ALCAM: variants seen among roughly 807,000 people sequenced by gnomAD.
ALCAM encodes activated leukocyte cell adhesion molecule, also known as CD166 antigen.
ALCAM carries 30 observed loss-of-function variants against 70.9 expected under a neutral mutation model. The observed-to-expected ratio is 0.42, with a 90% CI of 0.32 to 0.57. The LOEUF (loss-of-function observed/expected upper bound fraction) is 0.57. Among genes scored for constraint, ALCAM ranks in the 20% least tolerant of loss-of-function variants. ALCAM has a pLI of 0.11. For missense variants in ALCAM, 591 were observed against 695.1 expected (o/e 0.85, Z 1.68); for synonymous variants, 249 against 242.5 (o/e 1.03, Z -0.25).
At chr3:105,549,643 T>G (rs1940343673) in intron 11 of ALCAM, among the ~76,000 whole-genome samples, 1 of 151,240 alleles carries the variant, frequency 6.6e-6, no homozygotes, top group Admixed American at 6.6e-5. Flanking sequence ...ACAGAAAACT[T>G]TAGAAAAAAA....
At chr3:105,451,008 G>A (rs115664911) in intron 1 of ALCAM, among the ~76,000 whole-genome samples, 3,002 of 152,194 alleles carry the variant, frequency 0.02, 43 homozygotes, top group Non-Finnish European at 0.028. Context: ...AAGGAGGTAG[G>A]AAGGGTGAGT....
At chr3:105,505,447 C>G (rs1456297441) in intron 1 of ALCAM, among the ~76,000 whole-genome samples, 2 of 152,122 alleles carry the variant, frequency 1.3e-5, no homozygotes, top group South Asian at 2.1e-4. Flanking sequence ...GAAATCCACG[C>G]CCATAATCCA....
chr3:105,570,575 A>C (rs1407564122), intron 14 of ALCAM, among the ~76,000 whole-genome samples: 1 of 152,216 alleles, frequency 6.6e-6, no homozygotes, highest in Non-Finnish European at 1.5e-5. Flanking sequence ...GTGGACACAC[A>C]CATGTCTAAG....
chr3:105,532,347 G>T (rs1939860758), intron 4 of ALCAM, among the ~76,000 whole-genome samples: 3 of 152,184 alleles, frequency 2.0e-5, no homozygotes, highest in Non-Finnish European at 4.4e-5. Context: ...CAGTTAGCAT[G>T]ATTCATGCCT....
At chr3:105,410,653 C>T (rs1322669186) in intron 1 of ALCAM, among the ~76,000 whole-genome samples, 3 of 151,938 alleles carry the variant, frequency 2.0e-5, no homozygotes, top group African/African-American at 7.2e-5. Flanking sequence ...TTCTGTTTAC[C>T]TTTCCGAGGC....
At chr3:105,464,357 A>G in intron 1 of ALCAM, among the ~76,000 whole-genome samples, 1 of 145,612 alleles carries the variant, frequency 6.9e-6, no homozygotes, top group East Asian at 2.2e-4. Context: ...ATGGGGGGTA[A>G]AATGAAAACT....
chr3:105,389,743 A>C (rs1935762166), intron 1 of ALCAM, among the ~76,000 whole-genome samples: 4 of 137,814 alleles, frequency 2.9e-5, no homozygotes, highest in African/African-American at 8.2e-5. Flanking sequence ...CCTCCCCCCT[A>C]CCCCCTCAAC....
chr3:105,520,463 G>T (rs1007330252), intron 2 of ALCAM, among the ~76,000 whole-genome samples: 1 of 152,174 alleles, frequency 6.6e-6, no homozygotes, highest in Non-Finnish European at 1.5e-5. Context: ...TAAATCAGTG[G>T]ATTATAGGAC....
chr3:105,534,593 G>T, intron 5 of ALCAM, 70 bp from the exon 6 acceptor site: 1 of 1,430,168 alleles, frequency 7.0e-7, no homozygotes, highest in Non-Finnish European at 9.9e-7. Flanking sequence ...CAAAGGTGTG[G>T]TGCTGTTTCG....
intron 1 of ALCAM, among the ~76,000 whole-genome samples, chr3:105,388,508 T>G (rs1935716783): frequency 6.6e-6 from 1 of 151,620 alleles, no homozygotes; most frequent in Admixed American, 6.6e-5. Flanking sequence ...TGCTGTCTCT[T>G]TAAACTTAGT....
At chr3:105,375,806 T>G (rs144440164) in intron 1 of ALCAM, among the ~76,000 whole-genome samples, 1 of 152,278 alleles carries the variant, frequency 6.6e-6, no homozygotes, top group African/African-American at 2.4e-5. Flanking sequence ...CTTCTGTACA[T>G]GCAAACTAAG....
At chr3:105,507,453 C>G (rs1198268812) in intron 1 of ALCAM, among the ~76,000 whole-genome samples, 1 of 152,200 alleles carries the variant, frequency 6.6e-6, no homozygotes, top group Non-Finnish European at 1.5e-5. Flanking sequence ...ACCCTGGCAA[C>G]CACTGGTCTC....
At chr3:105,504,853 C>T (rs560884497) in intron 1 of ALCAM, among the ~76,000 whole-genome samples, 5 of 152,182 alleles carry the variant, frequency 3.3e-5, no homozygotes, top group African/African-American at 4.8e-5. Flanking sequence ...CCAGGGACCA[C>T]GTCCCCCTCT....
At chr3:105,428,697 A>G (rs1378780265) in intron 1 of ALCAM, among the ~76,000 whole-genome samples, 2 of 151,986 alleles carry the variant, frequency 1.3e-5, no homozygotes, top group Non-Finnish European at 2.9e-5. Context: ...TCCTATAGAA[A>G]CATGGTAGTT....
At chr3:105,381,595 A>T (rs963525463) in intron 1 of ALCAM, among the ~76,000 whole-genome samples, 6 of 151,998 alleles carry the variant, frequency 3.9e-5, no homozygotes, top group Non-Finnish European at 8.8e-5. Flanking sequence ...ATTTGAAGCT[A>T]AAAATGAGAT....
chr3:105,541,136 CTTT>C (rs1283908866), intron 7 of ALCAM, among the ~76,000 whole-genome samples: 1 of 151,236 alleles, frequency 6.6e-6, no homozygotes, highest in Non-Finnish European at 1.5e-5. Context: ...TTGTCATTTT[CTTT>C]TTTTCTTCTC....
intron 1 of ALCAM, chr3:105,440,966 G>A (rs73181395): frequency 0.15 from 22,726 of 152,012 alleles, 1,808 homozygotes; most frequent in Middle Eastern, 0.19. Context: ...AGCTAGAGCA[G>A]AGAAAAAGCA....
At chr3:105,407,597 A>T (rs747986755) in intron 1 of ALCAM, among the ~76,000 whole-genome samples, 1 of 152,212 alleles carries the variant, frequency 6.6e-6, no homozygotes. Context: ...ATCTATGACA[A>T]ACCCACAGCC....
intron 1 of ALCAM, among the ~76,000 whole-genome samples, chr3:105,493,982 C>T (rs1197651974): frequency 1.3e-5 from 2 of 152,092 alleles, no homozygotes; most frequent in African/African-American, 2.4e-5. Context: ...AATAGTAAAG[C>T]CAGCATACGA....
Sources: allele counts gnomAD v4.1 joint callset (sites outside exome capture counted in the v4.1 genomes callset), GRCh38; gene constraint gnomAD v4.1.1; transcripts MANE v1.5; gene names NCBI Gene and HGNC (gene_info 2026-07-23, HGNC 2026-07-21).